WDR24: variants seen among roughly 807,000 people sequenced by gnomAD.
The protein encoded by WDR24 is WD repeat domain 24, also known as GATOR2 complex protein WDR24.
WDR24 carries 32 observed loss-of-function variants against 66.7 expected under a neutral mutation model. That is an observed-to-expected ratio of 0.48 (90% CI 0.36 to 0.64). The LOEUF (loss-of-function observed/expected upper bound fraction) is 0.64. Ranked by LOEUF, WDR24 falls within the 30% of genes least tolerant of loss-of-function variation. WDR24 has a pLI of 0.00. For missense variants in WDR24, 978 were observed against 1,144.1 expected (o/e 0.85, Z 2.09); for synonymous variants, 565 against 469.1 (o/e 1.20, Z -2.64).
At chr16:689,074 ATG>A in intron 1 of WDR24, 84 bp downstream of exon 1, 21 of 1,558,456 alleles carry the variant, frequency 1.3e-5, no homozygotes, top group Non-Finnish European at 1.8e-5. Context: ...AGGGCCTCTG[ATG>A]CACGGAGCCC....
rs1407077223 is a variant in WDR24, at chr16:690,077, G to A, written c.-437C>T. ...CGTCCACACTGTCAGCCCTGAGGGC[G>A]GCGGGGCTCTAGGGAGGAACAAAAG... On this transcript the variant is annotated 5_prime_UTR_variant, in exon 1 of 9. Transcript: ENST00000293883. 1 of 465,470 alleles carries A rather than the reference G, an allele frequency of 2.1e-6. No homozygotes were observed. The highest frequency in any genetic ancestry group is 6.7e-5 in the East Asian group (1 of 14,838). The allele number at this position is 465,470 out of a possible 1,614,324, so 28.8% of individuals were successfully genotyped here. A position where few individuals can be genotyped will look rare whatever the true frequency, so the allele number is the denominator to read the frequency against.
In WDR24 at chr16:686,789, G is replaced by C. The variant is rs957789410; in HGVS notation, c.1287C>G (p.Leu429=). 1 of 1,610,618 alleles carries C rather than the reference G, an allele frequency of 6.2e-7. No homozygotes were observed. The highest frequency in any genetic ancestry group is 8.5e-7 in the Non-Finnish European group (1 of 1,178,240). Residue 429 remains leucine (L), a synonymous_variant, in exon 3 of 9, where the codon CTC becomes CTG. Coordinates refer to ENST00000293883, the MANE Select transcript of WDR24 (RefSeq NM_032259.4). ...YALAGRPLAE[L]CDHNAKVARE... ...GAGCCACCTTTGCGTTGTGGTCACA[G>C]AGCTCGGCCAGTGGCCGGCCAGCCA...
Position 689,552 on chromosome 16 carries a change from T to C in WDR24, c.89A>G (p.Asn30Ser). The part of the protein sequence containing the change: ...TMHCHLDAPA[N>S]AISVCRDAAQ... ...TGCGTCGCGGCACACACTGATGGCA[T>C]TGGCGGGAGCATCCAGGTGGCAGTG... Residue 30 changes from asparagine (N) to serine (S), a missense_variant, in exon 1 of 9, where the codon AAT becomes AGT. Asn to Ser is a conservative substitution (Grantham distance 46, BLOSUM62 1). Transcript: ENST00000293883. The C allele has an allele frequency of 6.2e-7, 1 of 1,613,114 alleles. No homozygotes were observed. The highest frequency in any genetic ancestry group is 8.5e-7 in the Non-Finnish European group (1 of 1,180,020).
At chr16:688,566 A>G (rs2039934850) in intron 1 of WDR24, among the ~76,000 whole-genome samples, 1 of 152,246 alleles carries the variant, frequency 6.6e-6, no homozygotes, top group Non-Finnish European at 1.5e-5. Context: ...TGCTGGGATT[A>G]CAGGCATGAG....
chr16:684,666 C>G lies in WDR24; in HGVS notation c.*68G>C. On this transcript the variant is annotated 3_prime_UTR_variant, in exon 9 of 9. Transcript: ENST00000293883. ...TGAGGTCTCAAGTTCCAGCCTCCGC[C>G]CGTCTCGGGCACAAGACCAGGCGGG... 1 of 1,485,240 alleles carries G rather than the reference C, an allele frequency of 6.7e-7. No homozygotes were observed. Among genetic ancestry groups the G allele is most frequent in the Non-Finnish European group, 8.9e-7 (1 of 1,119,400 alleles). 92.0% of individuals were successfully genotyped at this position (1,485,240 alleles called of 1,614,324 possible).
At chr16:688,491 C>G (rs1210585418) in intron 1 of WDR24, among the ~76,000 whole-genome samples, 2 of 152,202 alleles carry the variant, frequency 1.3e-5, no homozygotes, top group Admixed American at 6.5e-5. Context: ...ATGGGGTTTC[C>G]CTGTGTTAGC....
intron 1 of WDR24, among the ~76,000 whole-genome samples, chr16:688,535 G>A (rs2039934668): frequency 1.3e-5 from 2 of 152,196 alleles, no homozygotes. Flanking sequence ...CTCGTGATCG[G>A]CCTGCCTCGG....
rs1370231834 is a variant in WDR24 at position 690,333 on chromosome 16, C to A, written c.-693G>T. ...CCAGAGGGCCCGGGGCAGCCCTTCT[C>A]CCCCGCGCGAACCCCAATCTTTTAC... On this transcript the variant is annotated 5_prime_UTR_variant, in exon 1 of 9. Transcript: ENST00000293883. 2.2e-6 allele frequency: 1 copy of A among 456,172 alleles called. No individual in the cohort carries two copies. The highest frequency in any genetic ancestry group is 2.4e-5 in the Admixed American group (1 of 42,548). 28.3% of individuals were successfully genotyped at this position (456,172 alleles called of 1,614,324 possible).
In WDR24 at chr16:690,227, G is replaced by T; in HGVS notation, c.-587C>A. 7 of 394,244 alleles carry T rather than the reference G, an allele frequency of 1.8e-5. No individual in the cohort carries two copies. The highest frequency in any genetic ancestry group is 1.3e-4 in the South Asian group (7 of 54,490). The allele number at this position is 394,244 out of a possible 1,614,324, so 24.4% of individuals were successfully genotyped here. A position where few individuals can be genotyped will look rare whatever the true frequency, so the allele number is the denominator to read the frequency against. The stretch of plus-strand genomic sequence containing the variant: ...AGGTGTCTGGCGGGACCGGAGGCAG[G>T]AGAGAAGCCGGCGACCCCGGAGTAC... On this transcript the variant is annotated 5_prime_UTR_variant, in exon 1 of 9. Transcript: ENST00000293883.
Position 687,948 on chromosome 16 carries a change from T to A in WDR24, c.482-209A>T, listed in dbSNP as rs1368029137. On this transcript the variant is annotated intron_variant, in intron 1 of 8. Coordinates refer to ENST00000293883, the MANE Select transcript of WDR24 (RefSeq NM_032259.4). ...GCCCGGGAGCAGGACACCACGTGATTTGTAACACATACTCCCGGGCGTCAT... is the reference window on the plus strand; with the variant it reads ...GCCCGGGAGCAGGACACCACGTGATATGTAACACATACTCCCGGGCGTCAT... 3 of 707,416 alleles carry A rather than the reference T, an allele frequency of 4.2e-6. No individual in the cohort carries two copies. In the Admixed American group the frequency reaches 6.0e-5, roughly 14 times the overall value. 43.8% of individuals were successfully genotyped at this position (707,416 alleles called of 1,614,324 possible).
chr16:685,441 G>T lies in WDR24; in HGVS notation c.1835C>A (p.Ser612Tyr), dbSNP rs533615007. 20 of 1,608,942 alleles carry T rather than the reference G, an allele frequency of 1.2e-5. No homozygotes were observed. Among genetic ancestry groups the T allele is most frequent in the African/African-American group, 2.7e-5 (2 of 74,974 alleles). Reference protein sequence around the residue: ...ADVASLAPVDSSFSLLSVSHA... With the variant: ...ADVASLAPVDYSFSLLSVSHA... The stretch of plus-strand genomic sequence containing the variant: ...TGAGACAGACAGGAGCGAGAAGGAG[G>T]AGTCCACGGGGGCCAGGGAGGCCAC... The change falls in exon 7 of 9, where the codon TCC becomes TAC. Residue 612 changes from serine to tyrosine, a missense_variant. Ser to Tyr is a moderately radical substitution (Grantham distance 144). Coordinates refer to ENST00000293883, the MANE Select transcript of WDR24 (RefSeq NM_032259.4).
chr16:686,029 C>G (rs372764802), intron 4 of WDR24, 39 bp from the exon 5 acceptor site: 12 of 1,612,530 alleles, frequency 7.4e-6, no homozygotes, highest in African/African-American at 2.7e-5. Flanking sequence ...TGGGCTCGAG[C>G]AGCCCCAGCC....
chr16:684,784 C>G lies in WDR24; in HGVS notation c.2323G>C (p.Gly775Arg). The G allele has an allele frequency of 6.3e-7, 1 of 1,593,688 alleles. No homozygotes were observed. Among genetic ancestry groups the G allele is most frequent in the Non-Finnish European group, 8.5e-7 (1 of 1,171,994 alleles). ...CAGCCTGCGGGACAGTGGGAGCTGC[C>G]TTCCAGCCACTTCATGATGTGCTGC... Reference protein sequence around the residue: ...HLQHIMKWLEGSSHCPAGCGH... With the variant: ...HLQHIMKWLERSSHCPAGCGH... The change falls in exon 9 of 9, where the codon GGC becomes CGC. Residue 775 changes from glycine to arginine, a missense_variant. Physicochemically the swap from Gly to Arg is moderately radical, Grantham distance 125. Transcript: ENST00000293883.
chr16:684,729 C>A lies in WDR24; in HGVS notation c.*5G>T, dbSNP rs777566466. 3.2e-6 allele frequency: 5 copies of A among 1,585,682 alleles called. No individual in the cohort carries two copies. The highest frequency in any genetic ancestry group is 4.3e-6 in the Non-Finnish European group (5 of 1,166,390). ...GCCGCCCGGGCAAGCCCAGCAGATGCCCCGTCAGGAGTACTCGCAGAGGTG... is the reference window on the plus strand; with the variant it reads ...GCCGCCCGGGCAAGCCCAGCAGATGACCCGTCAGGAGTACTCGCAGAGGTG... On this transcript the variant is annotated 3_prime_UTR_variant, in exon 9 of 9. Coordinates refer to ENST00000293883, the MANE Select transcript of WDR24 (RefSeq NM_032259.4).
chr16:687,593 C>T lies in WDR24; in HGVS notation c.628G>A (p.Val210Ile), dbSNP rs761239460. ...TCGGGGTGCCAGTCGCAGCAGAAGA[C>T]GGGTCCGTTGTGGGCTGTGAACATC... ...ERMFTAHNGP[V>I]FCCDWHPEDR... Residue 210 changes from valine to isoleucine, a missense_variant, in exon 2 of 9, where the codon GTC becomes ATC. By Grantham distance (29) the Val-to-Ile change is conservative (BLOSUM62 3). Transcript: ENST00000293883. 1.7e-5 allele frequency: 28 copies of T among 1,613,102 alleles called. No individual in the cohort carries two copies. Among genetic ancestry groups the T allele is most frequent in the Admixed American group, 1.0e-4 (6 of 59,998 alleles).
rs1567292380 is a variant in WDR24, at chr16:685,485, C to T, written c.1791G>A (p.Val597=). 1 of 1,600,640 alleles carries T rather than the reference C, an allele frequency of 6.2e-7. No individual in the cohort carries two copies. Among genetic ancestry groups the T allele is most frequent in the Non-Finnish European group, 8.5e-7 (1 of 1,170,790 alleles). The change falls in exon 7 of 9, where the codon GTG becomes GTA. Residue 597 remains valine, a synonymous_variant. Coordinates refer to ENST00000293883, the MANE Select transcript of WDR24 (RefSeq NM_032259.4). ...HLQDKADSPH[V]SGSEADVASL... ...AGGCCACATCCGCCTCGCTGCCGCT[C>T]ACGTGCGGGGAGTCGGCCTTGTCCT... is the stretch of plus-strand genomic sequence containing the variant.
At chr16:686,534 C>T (rs189308801) in intron 3 of WDR24, among the ~76,000 whole-genome samples, 12 of 152,302 alleles carry the variant, frequency 7.9e-5, no homozygotes, top group East Asian at 1.9e-4. Context: ...CCGAGACCCC[C>T]GCCCCTCAGA....
At chr16:687,484 C>T (rs2082972908) in intron 2 of WDR24, 68 bp from the exon 3 acceptor site, 4 of 1,579,346 alleles carry the variant, frequency 2.5e-6, no homozygotes, top group Non-Finnish European at 3.4e-6. Context: ...CCCCGCTCTG[C>T]TGCTCCGGAC....
rs200487416 is a variant in WDR24, at chr16:685,790, G to T, written c.1574-7C>A. 2 of 1,613,072 alleles carry T rather than the reference G, an allele frequency of 1.2e-6. No individual in the cohort carries two copies. Among genetic ancestry groups the T allele is most frequent in the African/African-American group, 2.7e-5 (2 of 74,922 alleles). On this transcript the variant is annotated splice_polypyrimidine_tract_variant and splice_region_variant and intron_variant, in intron 5 of 8. Transcript: ENST00000293883. Reference sequence around the variant, plus strand: ...CCCTCGGTTTCCTCGTTATCTGCCCGACAATGGGGCGGGCATTCAGGGTCG... The same window carrying T: ...CCCTCGGTTTCCTCGTTATCTGCCCTACAATGGGGCGGGCATTCAGGGTCG...
Sources: allele counts gnomAD v4.1 joint callset (sites outside exome capture counted in the v4.1 genomes callset), GRCh38; gene constraint gnomAD v4.1.1; transcripts MANE v1.5; gene names NCBI Gene and HGNC (gene_info 2026-07-23, HGNC 2026-07-21).